The following SEMA6B variants were observed in gnomAD, a reference collection of about 807,000 sequenced individuals.
SEMA6B encodes the protein semaphorin-6B.
Under a neutral mutation model 78.6 loss-of-function variants are expected in SEMA6B, and 47 were observed. The observed-to-expected ratio is 0.60, with a 90% CI of 0.47 to 0.76. The LOEUF (loss-of-function observed/expected upper bound fraction) is 0.76, where lower values mean the gene tolerates loss of function less well. Ranked by LOEUF, SEMA6B falls within the 30% of genes least tolerant of loss-of-function variation. The pLI, the probability that SEMA6B is intolerant of heterozygous loss-of-function variation, is 0.00. For missense variants in SEMA6B, 1,213 were observed against 1,269.9 expected, an observed-to-expected ratio of 0.96 and a Z score of 0.68; for synonymous variants, 632 against 592.2, an observed-to-expected ratio of 1.07 and a Z score of -0.98.
In SEMA6B at chr19:4,542,990, C is replaced by T; in HGVS notation, c.*611G>A. On this transcript the variant is annotated 3_prime_UTR_variant, in exon 17 of 17. Transcript: ENST00000586582. ...GCGTCGGCTCAGCCAACGCCCAGGC[C>T]GCTGGGGCCACCACGATCGTCGCTC... 4.3e-6 allele frequency: 3 copies of T among 697,142 alleles called. No individual in the cohort carries two copies. The highest frequency in any genetic ancestry group is 7.9e-6 in the Non-Finnish European group (3 of 382,062). 43.2% of individuals were successfully genotyped at this position (697,142 alleles called of 1,614,324 possible).
Position 4,552,596 on chromosome 19 carries a change from C to G in SEMA6B, c.815G>C (p.Gly272Ala). 1 of 1,612,382 alleles carries G rather than the reference C, an allele frequency of 6.2e-7. No homozygotes were observed. Among genetic ancestry groups the G allele is most frequent in the Non-Finnish European group, 8.5e-7 (1 of 1,179,620 alleles). ...RVARVCKNDVGGSPRVLEKQW... is the reference protein window; with the variant it reads ...RVARVCKNDVAGSPRVLEKQW... ...CTTCTCCAGCACGCGGGGGGAGCCTCCCACGTCGTTCTTGCACACTCGGGC... is the reference window on the plus strand; with the variant it reads ...CTTCTCCAGCACGCGGGGGGAGCCTGCCACGTCGTTCTTGCACACTCGGGC... The change falls in exon 10 of 17, where the codon GGA (glycine) becomes GCA (alanine). Residue 272 changes from glycine to alanine, a missense_variant. Physicochemically the swap from Gly to Ala is moderately conservative, Grantham distance 60 (BLOSUM62 0). Coordinates refer to ENST00000586582, the MANE Select transcript of SEMA6B (RefSeq NM_032108.4). This position sits in a 1 kb window ranked among gnomAD's most constrained non-coding sequence, Gnocchi z 7.4.
Position 4,558,181 on chromosome 19 carries a change from A to C in SEMA6B, c.122-32T>G. The C allele has an allele frequency of 7.1e-7, 1 of 1,415,904 alleles. No homozygotes were observed. The allele number at this position is 1,415,904 out of a possible 1,614,324, so 87.7% of individuals were successfully genotyped here. The stretch of plus-strand genomic sequence containing the variant: ...GAGGGGGTGGAGAGGGGTGTGAGCA[A>C]GGGCTGGGGGTGAAGAGAGGGTGGC... On this transcript the variant is annotated intron_variant, in intron 2 of 16. Coordinates refer to ENST00000586582, the MANE Select transcript of SEMA6B (RefSeq NM_032108.4). The surrounding 1 kb of genome is among the most constrained non-coding windows in gnomAD (Gnocchi z 5.1).
intron 12 of SEMA6B, among the ~76,000 whole-genome samples, chr19:4,548,971 A>G (rs574110785): frequency 6.6e-6 from 1 of 152,154 alleles, no homozygotes; most frequent in East Asian, 1.9e-4. Flanking sequence ...GGCGCACACC[A>G]CCACACCGAG....
chr19:4,555,107 G>A lies in SEMA6B; in HGVS notation c.563-12C>T, dbSNP rs560810996. 1 of 1,613,320 alleles carries A rather than the reference G, an allele frequency of 6.2e-7. No individual in the cohort carries two copies. Among genetic ancestry groups the A allele is most frequent in the African/African-American group, 1.3e-5 (1 of 75,052 alleles). On this transcript the variant is annotated splice_polypyrimidine_tract_variant and intron_variant, in intron 7 of 16. Coordinates refer to ENST00000586582, the MANE Select transcript of SEMA6B (RefSeq NM_032108.4). This position sits in a 1 kb window ranked among gnomAD's most constrained non-coding sequence, Gnocchi z 6.1. ...GAAGAGCATCCCGTCTGGATGGGGT[G>A]GGTGGGGAAGGCAGGCAAGAGATGA...
chr19:4,557,992 G>A (rs756029101), intron 3 of SEMA6B, 34 bp downstream of exon 3: 12 of 1,328,096 alleles, frequency 9.0e-6, no homozygotes, highest in African/African-American at 1.5e-5. Flanking sequence ...CATTCTGCTC[G>A]TCACACAGGC....
At position 4,559,668 on chromosome 19, in the gene SEMA6B, T is replaced by C. The variant is rs73920847; in HGVS notation, c.-171A>G. 0.053 allele frequency: 8,114 copies of C among 152,298 alleles called. 277 individuals carry two copies. The highest frequency in any genetic ancestry group is 0.098 in the Middle Eastern group (29 of 296). The allele number at this position is 152,298 out of a possible 1,614,324, so 9.4% of individuals were successfully genotyped here. On this transcript the variant is annotated 5_prime_UTR_variant, in exon 1 of 17. Transcript: ENST00000586582. ...GTATCCCCCAGCCCTGCCCTGGCCT[T>C]CTGGCTCAGGGATTCTGAGCCCCCA...
Position 4,543,374 on chromosome 19 carries a change from T to TGGGGGGGGGCCCCCCCCC in SEMA6B, c.*226_*227insGGGGGGGGGCCCCCCCCC. The TGGGGGGGGGCCCCCCCCC allele has an allele frequency of 5.5e-6, 2 of 363,594 alleles. No homozygotes were observed. The highest frequency in any genetic ancestry group is 9.6e-6 in the Non-Finnish European group (2 of 208,178). The allele number at this position is 363,594 out of a possible 1,614,324, so 22.5% of individuals were successfully genotyped here. A position where few individuals can be genotyped will look rare whatever the true frequency, so the allele number is the denominator to read the frequency against. ...CAACCTCAAATCCATAGCAAAGTCC[T>TGGGGGGGGGCCCCCCCCC]CCCGCCCACCCACCCCCAAACCGTC... is the stretch of plus-strand genomic sequence containing the variant. On this transcript the variant is annotated 3_prime_UTR_variant, in exon 17 of 17. Transcript: ENST00000586582.
At chr19:4,554,299 C>T (rs1018809907) in intron 9 of SEMA6B, 89 bp downstream of exon 9, 17 of 1,043,818 alleles carry the variant, frequency 1.6e-5, no homozygotes, top group Non-Finnish European at 2.5e-5. Context: ...ACCCTCTCAC[C>T]CCATGCAGGG....
Position 4,552,230 on chromosome 19 carries a change from C to T in SEMA6B, c.989+192G>A, listed in dbSNP as rs2145353920. Among the ~76,000 whole-genome samples the T allele has an allele frequency of 1.3e-5, 2 of 152,298 alleles. No individual in the cohort carries two copies. The highest frequency in any genetic ancestry group is 4.1e-4 in the South Asian group (2 of 4,832). Reference sequence around the variant, plus strand: ...GGCAGAGGATGAGGATATCTTTGGCCCAGTTCTGACCAAAGGGACTTAGAG... The same window carrying T: ...GGCAGAGGATGAGGATATCTTTGGCTCAGTTCTGACCAAAGGGACTTAGAG... On this transcript the variant is annotated intron_variant, in intron 10 of 16. Coordinates refer to ENST00000586582, the MANE Select transcript of SEMA6B (RefSeq NM_032108.4). The surrounding 1 kb of genome is among the most constrained non-coding windows in gnomAD (Gnocchi z 7.4).
chr19:4,550,927 G>C lies in SEMA6B; in HGVS notation c.993C>G (p.Ile331Met). The C allele has an allele frequency of 6.2e-7, 1 of 1,613,656 alleles. No individual in the cohort carries two copies. Among genetic ancestry groups the C allele is most frequent in the Non-Finnish European group, 8.5e-7 (1 of 1,179,990 alleles). ...LAVFSTPSNS[I>M]PGSAVCAFDL... ...CAAAGGCGCAGACAGCCGAGCCAGG[G>C]ATGCTGAGGGGTTGGGATGAAAGAG... is the stretch of plus-strand genomic sequence containing the variant. The change falls in exon 11 of 17, where the codon ATC becomes ATG. Residue 331 changes from isoleucine (I) to methionine (M), a missense_variant. By Grantham distance (10) the Ile-to-Met change is conservative. Coordinates refer to ENST00000586582, the MANE Select transcript of SEMA6B (RefSeq NM_032108.4). The surrounding 1 kb of genome is among the most constrained non-coding windows in gnomAD (Gnocchi z 6.6).
chr19:4,543,147 C>T lies in SEMA6B; in HGVS notation c.*454G>A. The T allele has an allele frequency of 1.6e-6, 1 of 612,252 alleles. No homozygotes were observed. The highest frequency in any genetic ancestry group is 1.9e-5 in the South Asian group (1 of 53,746). 37.9% of individuals were successfully genotyped at this position (612,252 alleles called of 1,614,324 possible). On this transcript the variant is annotated 3_prime_UTR_variant, in exon 17 of 17. Coordinates refer to ENST00000586582, the MANE Select transcript of SEMA6B (RefSeq NM_032108.4). The stretch of plus-strand genomic sequence containing the variant: ...CGGCACGCACACGCACGCACACCCA[C>T]ACACGCCAGGGGCCTGGGTTGGGGA...
rs1267387152 is a variant in SEMA6B, at chr19:4,554,460, A to G, written c.699T>C (p.His233=). ...SKWFKEPYFV[H]AVEWGSHVYF... The stretch of plus-strand genomic sequence containing the variant: ...AGACATGGCTGCCCCACTCCACCGC[A>G]TGGACAAAGTAAGGCTCTGCAGGAC... The change falls in exon 9 of 17, where the codon CAT becomes CAC. Residue 233 remains histidine (H), a synonymous_variant. Coordinates refer to ENST00000586582, the MANE Select transcript of SEMA6B (RefSeq NM_032108.4). 1.2e-6 allele frequency: 2 copies of G among 1,613,762 alleles called. No individual in the cohort carries two copies. The highest frequency in any genetic ancestry group is 2.7e-5 in the African/African-American group (2 of 74,916).
In SEMA6B at chr19:4,555,654, T is replaced by C. The variant is rs1264829919; in HGVS notation, c.472-90A>G. 2 of 1,029,584 alleles carry C rather than the reference T, an allele frequency of 1.9e-6. No homozygotes were observed. The highest frequency in any genetic ancestry group is 1.6e-5 in the African/African-American group (1 of 62,574). The allele number at this position is 1,029,584 out of a possible 1,614,324, so 63.8% of individuals were successfully genotyped here. ...CAGCCCCCCACTCCAGGGGGAATCCTGATCCACCACGGATTACTGTGTGAC... is the reference window on the plus strand; with the variant it reads ...CAGCCCCCCACTCCAGGGGGAATCCCGATCCACCACGGATTACTGTGTGAC... On this transcript the variant is annotated intron_variant, in intron 6 of 16. Transcript: ENST00000586582. The surrounding 1 kb of genome is among the most constrained non-coding windows in gnomAD (Gnocchi z 6.1).
Position 4,542,882 on chromosome 19 carries a change from G to T in SEMA6B, c.*719C>A, listed in dbSNP as rs1278009162. 3 of 701,492 alleles carry T rather than the reference G, an allele frequency of 4.3e-6. No homozygotes were observed. In the South Asian group the frequency reaches 4.4e-5, roughly 10 times the overall value. 43.5% of individuals were successfully genotyped at this position (701,492 alleles called of 1,614,324 possible). ...GTCTCCTGCCTGAAACCCCGGCATT[G>T]TCCCCGCTTCCCTCTGCAGAGTGGG... On this transcript the variant is annotated 3_prime_UTR_variant, in exon 17 of 17. Coordinates refer to ENST00000586582, the MANE Select transcript of SEMA6B (RefSeq NM_032108.4).
rs539210804 is a variant in SEMA6B, at chr19:4,543,586, C to CG, written c.*14dup. ...CCCGTGGCTGGCACTGCCAAGGCAT[C>CG]GGGGGGCCCCCGGCCTAGGGCACGG... On this transcript the variant is annotated 3_prime_UTR_variant, in exon 17 of 17. Coordinates refer to ENST00000586582, the MANE Select transcript of SEMA6B (RefSeq NM_032108.4). The CG allele has an allele frequency of 2.5e-6, 3 of 1,210,442 alleles. No individual in the cohort carries two copies. Among genetic ancestry groups the CG allele is most frequent in the South Asian group, 8.1e-5 (2 of 24,688 alleles). 75.0% of individuals were successfully genotyped at this position (1,210,442 alleles called of 1,614,324 possible). A position where few individuals can be genotyped will look rare whatever the true frequency, so the allele number is the denominator to read the frequency against.
Position 4,555,101 on chromosome 19 carries a change from TG to T in SEMA6B, c.563-7del. The T allele has an allele frequency of 6.2e-7, 1 of 1,613,186 alleles. No homozygotes were observed. Among genetic ancestry groups the T allele is most frequent in the Non-Finnish European group, 8.5e-7 (1 of 1,179,856 alleles). On this transcript the variant is annotated splice_region_variant and splice_polypyrimidine_tract_variant and intron_variant, in intron 7 of 16. Transcript: ENST00000586582. The surrounding 1 kb of genome is among the most constrained non-coding windows in gnomAD (Gnocchi z 6.1). ...AGCTGTGAAGAGCATCCCGTCTGGA[TG>T]GGGTGGGTGGGGAAGGCAGGCAAGA...
chr19:4,544,243 A>G lies in SEMA6B; in HGVS notation c.2025T>C (p.Val675=). ...GGGGCGCCAGCAGGGCCTCCGGGGG[A>G]ACCCCGGCGCCACCGCCACCGCCTC... ...RGGGGGGGAG[V]PPEALLAPLM... Residue 675 remains valine, a synonymous_variant, in exon 17 of 17, where the codon GTT becomes GTC. Transcript: ENST00000586582. The surrounding 1 kb of genome is among the most constrained non-coding windows in gnomAD (Gnocchi z 5.1). 1 of 1,275,786 alleles carries G rather than the reference A, an allele frequency of 7.8e-7. No individual in the cohort carries two copies. Among genetic ancestry groups the G allele is most frequent in the Non-Finnish European group, 9.9e-7 (1 of 1,014,622 alleles). 79.0% of individuals were successfully genotyped at this position (1,275,786 alleles called of 1,614,324 possible).
intron 16 of SEMA6B, chr19:4,545,925 C>T (rs1355295013): frequency 4.5e-6 from 1 of 224,644 alleles, no homozygotes; most frequent in Non-Finnish European, 9.0e-6. Context: ...GCGCCCGCCA[C>T]CACGCCCGGC....
chr19:4,549,528 G>C (rs576054865), intron 12 of SEMA6B, among the ~76,000 whole-genome samples: 172 of 151,984 alleles, frequency 1.1e-3, no homozygotes, highest in African/African-American at 4.0e-3. Flanking sequence ...GCCCAGGCGG[G>C]ACTGCAGTGG....
Sources: allele counts gnomAD v4.1 joint callset (sites outside exome capture counted in the v4.1 genomes callset), GRCh38; gene constraint gnomAD v4.1.1; non-coding constraint Gnocchi (gnomAD v3.1); transcripts MANE v1.5; gene names NCBI Gene and HGNC (gene_info 2026-07-23, HGNC 2026-07-21).